C6: variants seen among roughly 807,000 people sequenced by gnomAD.
C6 encodes the protein complement component C6.
C6 carries 101 observed loss-of-function variants against 112.9 expected under a neutral mutation model. That is an observed-to-expected ratio of 0.89 (90% confidence interval 0.76 to 1.06). C6 has a LOEUF of 1.06. C6 is among the 50% of genes least tolerant of loss of function. The pLI is 0.00. For missense variants in C6, 1,202 were observed against 1,104.6 expected (o/e 1.09, Z -1.25); for synonymous variants, 431 against 384.1 (o/e 1.12, Z -1.43).
chr5:41,189,177 G>A (rs1423428846), intron 5 of C6, among the ~76,000 whole-genome samples: 2 of 151,958 alleles, frequency 1.3e-5, no homozygotes, highest in Non-Finnish European at 2.9e-5. Flanking sequence ...TGTAACTGGG[G>A]GAAATGAAAA....
intron 5 of C6, among the ~76,000 whole-genome samples, chr5:41,188,906 A>C (rs1431792305): frequency 6.6e-6 from 1 of 152,052 alleles, no homozygotes; most frequent in African/African-American, 2.4e-5. Context: ...ATATACAAAA[A>C]ATGCTTGGAA....
intron 7 of C6, among the ~76,000 whole-genome samples, chr5:41,180,419 G>A (rs1298521622): frequency 1.3e-5 from 2 of 152,152 alleles, no homozygotes; most frequent in Non-Finnish European, 2.9e-5. Flanking sequence ...AGATAGAAAT[G>A]TGTCTTCTAA....
chr5:41,176,067 G>T (rs1194337151), intron 8 of C6, among the ~76,000 whole-genome samples: 8 of 152,090 alleles, frequency 5.3e-5, no homozygotes, highest in African/African-American at 1.7e-4. Context: ...ATAAGGTATT[G>T]CTTTATGAAA....
intron 1 of C6, among the ~76,000 whole-genome samples, chr5:41,254,738 T>C (rs931099248): frequency 2.0e-5 from 3 of 152,220 alleles, no homozygotes; most frequent in Admixed American, 6.5e-5. Context: ...TTTAATCAAA[T>C]TGACAACATT....
chr5:41,260,675 T>G (rs531249593), intron 1 of C6, among the ~76,000 whole-genome samples: 13 of 151,890 alleles, frequency 8.6e-5, no homozygotes, highest in African/African-American at 3.1e-4. Context: ...CTGAGGAGGC[T>G]GAGGCAGGAG....
intron 9 of C6, among the ~76,000 whole-genome samples, chr5:41,165,731 T>C (rs1441872269): frequency 6.6e-6 from 1 of 152,140 alleles, no homozygotes; most frequent in Non-Finnish European, 1.5e-5. Flanking sequence ...ATATGGATTG[T>C]TTATTTAATT....
Position 41,223,020 on chromosome 5 carries a change from C to T in C6, c.-20-19770G>A, listed in dbSNP as rs543538610. Among the ~76,000 whole-genome samples the T allele has an allele frequency of 2.7e-3, 404 of 152,204 alleles. 3 individuals are homozygous for T. Among genetic ancestry groups the T allele is most frequent in the Non-Finnish European group, 4.6e-3 (312 of 68,006 alleles). On this transcript the variant is annotated intron_variant, in intron 1 of 17. Transcript: ENST00000263413. ...CTGGAATTTCTATTGTAAATAAAACCTTCCAATTTGTTTTGATCACAGATC... is the reference window on the plus strand; with the variant it reads ...CTGGAATTTCTATTGTAAATAAAACTTTCCAATTTGTTTTGATCACAGATC...
chr5:41,187,100 C>T (rs1749832336), intron 5 of C6, among the ~76,000 whole-genome samples: 1 of 152,164 alleles, frequency 6.6e-6, no homozygotes, highest in African/African-American at 2.4e-5. Flanking sequence ...TCTCCAAGTA[C>T]ATTTGACCAA....
chr5:41,241,671 CA>C (rs1329792540), intron 1 of C6, among the ~76,000 whole-genome samples: 2 of 151,906 alleles, frequency 1.3e-5, no homozygotes, highest in Non-Finnish European at 2.9e-5. Flanking sequence ...TATGGGGTGA[CA>C]AAAAATTGTG....
chr5:41,149,328 C>T lies in C6; in HGVS notation c.2536G>A (p.Gly846Ser). 6.2e-7 allele frequency: 1 copy of T among 1,613,938 alleles called. No homozygotes were observed. The highest frequency in any genetic ancestry group is 8.5e-7 in the Non-Finnish European group (1 of 1,179,950). Residue 846 changes from glycine to serine, a missense_variant, in exon 17 of 18, where the codon GGT becomes AGT. By Grantham distance (56) the Gly-to-Ser change is moderately conservative. Coordinates refer to ENST00000337836, the MANE Select transcript of C6 (RefSeq NM_000065.5). ...GATGAAAGTCTTGTCCTTTCAAGACCCCATTCTAACTGGCGGCCGTCTTGG... is the reference window on the plus strand; with the variant it reads ...GATGAAAGTCTTGTCCTTTCAAGACTCCATTCTAACTGGCGGCCGTCTTGG... ...SCQDGRQLEW[G>S]LERTRLSSNS...
In C6 at chr5:41,159,200, T is replaced by C; in HGVS notation, c.1738A>G (p.Thr580Ala). The stretch of plus-strand genomic sequence containing the variant: ...TCTCGGGTTCTCGATCTCTTATAAG[T>C]AGCATCACAGGTACTCCAGGAAGAC... ...CWSSWSTCDATYKRSRTRECN... is the reference protein window; with the variant it reads ...CWSSWSTCDAAYKRSRTRECN... Residue 580 changes from threonine (T) to alanine (A), a missense_variant, in exon 12 of 18, where the codon ACT becomes GCT. Thr to Ala is a moderately conservative substitution (Grantham distance 58). Coordinates refer to ENST00000337836, the MANE Select transcript of C6 (RefSeq NM_000065.5). 1 of 1,613,446 alleles carries C rather than the reference T, an allele frequency of 6.2e-7. No homozygotes were observed. The highest frequency in any genetic ancestry group is 8.5e-7 in the Non-Finnish European group (1 of 1,179,680).
At position 41,226,814 on chromosome 5, in the gene C6, T is replaced by G. The variant is rs950114803; in HGVS notation, c.-20-23564A>C. The stretch of plus-strand genomic sequence containing the variant: ...CTCATGTTTTAAGGCTAAATAGTAT[T>G]CATTTTTGTATATACACCACATTTT... On this transcript the variant is annotated intron_variant, in intron 1 of 17. Coordinates refer to the C6 transcript ENST00000263413. 3.9e-5 allele frequency among the ~76,000 whole-genome samples: 6 copies of G among 152,210 alleles called. No homozygotes were observed. In the East Asian group the frequency reaches 1.2e-3, roughly 30 times the overall value.
At chr5:41,190,073 G>A (rs1316335153) in intron 5 of C6, among the ~76,000 whole-genome samples, 1 of 152,114 alleles carries the variant, frequency 6.6e-6, no homozygotes, top group East Asian at 1.9e-4. Context: ...AATAAACTTA[G>A]GGATGCAGAT....
rs191996574 is a variant in C6 at position 41,246,415 on chromosome 5, T to G, written c.-21+14779A>C. The stretch of plus-strand genomic sequence containing the variant: ...AGATGTTTTTGAAATTGCATCCAAC[T>G]ATTCTAATTATTCTTAGTGGGAGTG... On this transcript the variant is annotated intron_variant, in intron 1 of 17. Transcript: ENST00000263413. Among the ~76,000 whole-genome samples the G allele has an allele frequency of 3.4e-3, 515 of 152,364 alleles. 2 individuals are homozygous for G. The highest frequency in any genetic ancestry group is 6.1e-3 in the Admixed American group (94 of 15,310).
chr5:41,151,860 A>G (rs1415831301), intron 15 of C6, among the ~76,000 whole-genome samples: 1 of 82,642 alleles, frequency 1.2e-5, no homozygotes, highest in African/African-American at 4.9e-5. Context: ...GAAGATAAGG[A>G]AAAAAAAAAA....
At chr5:41,200,891 GTTTTTTTTT>G (rs143443464) in intron 3 of C6, among the ~76,000 whole-genome samples, 4 of 70,670 alleles carry the variant, frequency 5.7e-5, no homozygotes, top group African/African-American at 1.3e-4. Context: ...TGTTGTTGTT[GTTTTTTTTT>G]TTTTTTTTTT....
At chr5:41,210,872 C>A (rs1389300676) in intron 1 of C6, among the ~76,000 whole-genome samples, 1 of 152,186 alleles carries the variant, frequency 6.6e-6, no homozygotes, top group Non-Finnish European at 1.5e-5. Flanking sequence ...TTTGACCCAG[C>A]CATCCTGTTA....
intron 1 of C6, among the ~76,000 whole-genome samples, chr5:41,244,849 G>A (rs1035987450): frequency 3.3e-5 from 5 of 152,062 alleles, no homozygotes; most frequent in Admixed American, 2.0e-4. Flanking sequence ...TTTAAATCAT[G>A]AATGAGTTAT....
chr5:41,149,920 T>C lies in C6; in HGVS notation c.2381+15A>G, dbSNP rs1746220898. On this transcript the variant is annotated intron_variant, in intron 16 of 17. Coordinates refer to ENST00000337836, the MANE Select transcript of C6 (RefSeq NM_000065.5). ...TTTCCCAATTTCCAGACACAGTCTG[T>C]AGGGTATCTCTTACCTACAGTCTTC... is the stretch of plus-strand genomic sequence containing the variant. The C allele has an allele frequency of 1.3e-6, 2 of 1,562,334 alleles. No homozygotes were observed. Among genetic ancestry groups the C allele is most frequent in the Non-Finnish European group, 1.8e-6 (2 of 1,132,918 alleles).
Sources: gnomAD v4.1 joint callset for allele counts (sites outside exome capture counted in the v4.1 genomes callset) on GRCh38, gnomAD v4.1.1 for gene constraint, MANE v1.5 for transcripts, NCBI Gene and HGNC (gene_info 2026-07-23, HGNC 2026-07-21) for gene names.